Variants in EDA observed in about 807,000 individuals in gnomAD.
EDA encodes the protein ectodysplasin-A.
A neutral mutation model predicts 23.6 loss-of-function variants in EDA; 2 were observed. The observed-to-expected ratio is 0.08, with a 90% confidence interval of 0.03 to 0.27. The LOEUF (loss-of-function observed/expected upper bound fraction) is 0.27, where lower values mean the gene tolerates loss of function less well. Ranked by LOEUF, EDA falls within the 10% of genes least tolerant of loss-of-function variation. The pLI is 1.00. For missense variants in EDA, 229 were observed against 324.2 expected, an observed-to-expected ratio of 0.71 and a Z score of 2.26; for synonymous variants, 131 against 132.0, an observed-to-expected ratio of 0.99 and a Z score of 0.05.
At chrX:69,824,773 T>G (rs2016359853) in intron 1 of EDA, among the ~76,000 whole-genome samples, 2 of 70,320 alleles carry the variant, frequency 2.8e-5, no homozygotes. Flanking sequence ...CCCTGTCTTG[T>G]GCCAGTTTTC....
intron 1 of EDA, among the ~76,000 whole-genome samples, chrX:69,639,177 C>T (rs1296112754): frequency 9.0e-6 from 1 of 111,482 alleles, no homozygotes; most frequent in African/African-American, 3.3e-5. Context: ...TGGATGGACA[C>T]TTGGGTTGCT....
At chrX:69,811,602 C>T (rs941516015) in intron 1 of EDA, among the ~76,000 whole-genome samples, 8 of 111,566 alleles carry the variant, frequency 7.2e-5, no homozygotes, top group Non-Finnish European at 1.5e-4. Flanking sequence ...ATCCTCCTCA[C>T]GGTGCCAATT....
At chrX:69,993,137 AAAAAAACCCTT>A (rs1450177352) in intron 2 of EDA, among the ~76,000 whole-genome samples, 3 of 110,185 alleles carry the variant, frequency 2.7e-5, no homozygotes, top group East Asian at 5.6e-4. Flanking sequence ...TCTGAAGTTT[AAAAAAACCCTT>A]AAAAAACCCT....
At chrX:69,920,234 TA>T (rs1156932397) in intron 1 of EDA, among the ~76,000 whole-genome samples, 1 of 111,321 alleles carries the variant, frequency 9.0e-6, no homozygotes, top group African/African-American at 3.3e-5. Context: ...TTTAATGTTA[TA>T]ATAGTTTTAC....
At chrX:69,621,386 A>G (rs1330230060) in intron 1 of EDA, among the ~76,000 whole-genome samples, 1 of 112,107 alleles carries the variant, frequency 8.9e-6, no homozygotes, top group African/African-American at 3.2e-5. Flanking sequence ...ACAGAAAAGT[A>G]TATAAATCAT....
At chrX:69,727,444 T>C (rs946895471) in intron 1 of EDA, among the ~76,000 whole-genome samples, 2 of 112,224 alleles carry the variant, frequency 1.8e-5, no homozygotes, top group African/African-American at 6.5e-5. Flanking sequence ...AAAGGCATAA[T>C]TTCTTTGATT....
intron 1 of EDA, among the ~76,000 whole-genome samples, chrX:69,822,635 G>C (rs1344433950): frequency 8.9e-6 from 1 of 111,878 alleles, no homozygotes; most frequent in African/African-American, 3.2e-5. Context: ...GGAATATATT[G>C]TGTGGAAGAT....
chrX:69,645,618 G>A (rs142887836), intron 1 of EDA, among the ~76,000 whole-genome samples: 1,667 of 66,962 alleles, frequency 0.025, 275 homozygotes, highest in African/African-American at 0.11. Flanking sequence ...ATATATATGT[G>A]TGTGTATATA....
At chrX:69,899,472 T>G (rs2018066950) in intron 1 of EDA, among the ~76,000 whole-genome samples, 1 of 110,801 alleles carries the variant, frequency 9.0e-6, no homozygotes, top group South Asian at 3.8e-4. Context: ...ATGTTGCAAA[T>G]GGGAGGGAGG....
At chrX:70,012,924 C>A (rs2019896606) in intron 2 of EDA, among the ~76,000 whole-genome samples, 1 of 112,615 alleles carries the variant, frequency 8.9e-6, no homozygotes, top group Non-Finnish European at 1.9e-5. Flanking sequence ...AGGCCTGCCA[C>A]TTTTGCTGCT....
rs929145906 is a variant in EDA, at chrX:70,036,340, G to T, written c.*731G>T. 1 of 111,815 alleles carries T rather than the reference G, an allele frequency of 8.9e-6. No homozygotes were observed. Among genetic ancestry groups the T allele is most frequent in the Non-Finnish European group, 1.9e-5 (1 of 53,053 alleles). 9.2% of individuals were successfully genotyped at this position (111,815 alleles called of 1,213,427 possible). On this transcript the variant is annotated 3_prime_UTR_variant, in exon 8 of 8. Coordinates refer to ENST00000374552, the MANE Select transcript of EDA (RefSeq NM_001399.5). ...CCCTGAATCCGTACTTGGGTCACAT[G>T]ACTCTCATTTTATTTACAGCTGTGC...
chrX:69,955,530 C>T (rs746036919), intron 1 of EDA, among the ~76,000 whole-genome samples: 4 of 111,166 alleles, frequency 3.6e-5, no homozygotes, highest in African/African-American at 9.8e-5. Flanking sequence ...CATTTTTTTT[C>T]CACTTAATCA....
chrX:69,768,161 T>G (rs1043518033), intron 1 of EDA, among the ~76,000 whole-genome samples: 40 of 111,631 alleles, frequency 3.6e-4, no homozygotes, highest in Non-Finnish European at 5.7e-4. Context: ...ATTTTCACAG[T>G]GATGTCTTCT....
At position 69,834,852 on chromosome X, in the gene EDA, C is replaced by G. The variant is rs1437980420; in HGVS notation, c.397-122175C>G. ...GGCATGTTTTTGCAGTGGCTGGTACCAGTTGTTCCTTTCCATGTTTAGTGT... is the reference window on the plus strand; with the variant it reads ...GGCATGTTTTTGCAGTGGCTGGTACGAGTTGTTCCTTTCCATGTTTAGTGT... On this transcript the variant is annotated intron_variant, in intron 1 of 7. Coordinates refer to ENST00000374552, the MANE Select transcript of EDA (RefSeq NM_001399.5). Among the ~76,000 whole-genome samples, 8 of 111,463 alleles carry G rather than the reference C, an allele frequency of 7.2e-5. No homozygotes were observed. In the Admixed American group the frequency reaches 7.6e-4, roughly 11 times the overall value.
At chrX:69,906,406 G>C (rs1206070588) in intron 1 of EDA, among the ~76,000 whole-genome samples, 1 of 112,504 alleles carries the variant, frequency 8.9e-6, no homozygotes, top group Non-Finnish European at 1.9e-5. Context: ...AGGACAAAAA[G>C]AAGCAGGATA....
chrX:69,944,100 C>T (rs998788050), intron 1 of EDA, among the ~76,000 whole-genome samples: 1 of 111,031 alleles, frequency 9.0e-6, no homozygotes, highest in Non-Finnish European at 1.9e-5. Context: ...AGGACAGGTC[C>T]AGAAATGCCA....
chrX:69,705,506 C>G (rs1022597877), intron 1 of EDA, among the ~76,000 whole-genome samples: 1 of 112,345 alleles, frequency 8.9e-6, no homozygotes, highest in Non-Finnish European at 1.9e-5. Context: ...CCATTTTACT[C>G]ATAGTAGCAG....
At chrX:69,708,568 G>A (rs1164756256) in intron 1 of EDA, among the ~76,000 whole-genome samples, 1 of 111,010 alleles carries the variant, frequency 9.0e-6, no homozygotes, top group African/African-American at 3.3e-5. Flanking sequence ...AAATTCCAAG[G>A]CCCTTCACTT....
At chrX:69,958,909 A>G (rs928933856) in intron 2 of EDA, among the ~76,000 whole-genome samples, 1 of 111,396 alleles carries the variant, frequency 9.0e-6, no homozygotes, top group African/African-American at 3.3e-5. Flanking sequence ...GAGAGGAGAC[A>G]GGTGGTAAGA....
Sources: gnomAD v4.1 joint callset for allele counts (sites outside exome capture counted in the v4.1 genomes callset) on GRCh38, gnomAD v4.1.1 for gene constraint, MANE v1.5 for transcripts, NCBI Gene and HGNC (gene_info 2026-07-23, HGNC 2026-07-21) for gene names.